The following GNAL variants were observed in gnomAD, a reference collection of about 807,000 sequenced individuals.
GNAL encodes guanine nucleotide-binding protein G(olf) subunit alpha.
Under a neutral mutation model 55.1 loss-of-function variants are expected in GNAL, and 18 were observed. The observed-to-expected ratio is 0.33, with a 90% CI of 0.23 to 0.48. The LOEUF is 0.48. Ranked by LOEUF, GNAL falls within the 20% of genes least tolerant of loss-of-function variation. The probability of loss-of-function intolerance (pLI) is 0.99; values close to 1 mark genes in which losing one functional copy is unlikely to be tolerated. For missense variants in GNAL, 412 were observed against 614.1 expected (o/e 0.67, Z 3.48); for synonymous variants, 253 against 237.0 (o/e 1.07, Z -0.62).
chr18:11,796,349 G>A (rs909940004), intron 4 of GNAL, among the ~76,000 whole-genome samples: 1 of 151,462 alleles, frequency 6.6e-6, no homozygotes, highest in Non-Finnish European at 1.5e-5. Flanking sequence ...AGGCTGAGGC[G>A]GGCGGATCAC....
At chr18:11,852,158 A>ATATT in intron 5 of GNAL, 1 of 1,514,448 alleles carries the variant, frequency 6.6e-7, no homozygotes, top group Non-Finnish European at 8.9e-7. Flanking sequence ...ACCCTTTGAA[A>ATATT]TGCTCTCTGT....
intron 5 of GNAL, among the ~76,000 whole-genome samples, chr18:11,837,017 A>G (rs1009926662): frequency 1.3e-5 from 2 of 152,190 alleles, no homozygotes; most frequent in African/African-American, 2.4e-5. Context: ...GCAGTGGCAC[A>G]GTTTTGGCTC....
Position 11,868,725 on chromosome 18 carries a change from C to A in GNAL, c.1031+62C>A. ...TGCAAATTTTCTTTTGTTAAAAATA[C>A]GCTCAGGCCAGGCGTTGTGGCTCAC... On this transcript the variant is annotated intron_variant, in intron 9 of 11. Transcript: ENST00000334049. This position sits in a 1 kb window ranked among gnomAD's most constrained non-coding sequence, Gnocchi z 4.0. 1 of 1,448,654 alleles carries A rather than the reference C, an allele frequency of 6.9e-7. No homozygotes were observed. Among genetic ancestry groups the A allele is most frequent in the South Asian group, 1.2e-5 (1 of 80,338 alleles). 89.7% of individuals were successfully genotyped at this position (1,448,654 alleles called of 1,614,324 possible).
intron 4 of GNAL, among the ~76,000 whole-genome samples, chr18:11,794,921 C>A (rs1156434444): frequency 6.6e-6 from 1 of 152,190 alleles, no homozygotes; most frequent in African/African-American, 2.4e-5. Flanking sequence ...TAGCTCACTG[C>A]AACCTCTGCC....
At chr18:11,879,342 C>T (rs1232217873) in intron 11 of GNAL, among the ~76,000 whole-genome samples, 1 of 151,936 alleles carries the variant, frequency 6.6e-6, no homozygotes, top group Non-Finnish European at 1.5e-5. Flanking sequence ...CCCAGGGATT[C>T]TCGTGGCACC....
intron 1 of GNAL, among the ~76,000 whole-genome samples, chr18:11,737,458 C>G (rs1470954904): frequency 1.3e-5 from 2 of 152,224 alleles, no homozygotes; most frequent in Non-Finnish European, 1.5e-5. Context: ...GAATGTTTCT[C>G]TCTTCCACTC....
Position 11,796,560 on chromosome 18 carries a change from C to T in GNAL, c.625-28358C>T, listed in dbSNP as rs928091171. Among the ~76,000 whole-genome samples the T allele has an allele frequency of 7.2e-5, 9 of 124,418 alleles. No individual in the cohort carries two copies. The South Asian group carries it at 1.3e-3, about 18-fold the overall frequency. The allele number at this position is 124,418 out of a possible 152,430, so 81.6% of individuals were successfully genotyped here. On this transcript the variant is annotated intron_variant, in intron 4 of 11. Transcript: ENST00000334049. ...CTGCACTCCAGCCTGGGTGACAGAGCGAGACTCCTTCTCACAAAAAAAAAA... is the reference window on the plus strand; with the variant it reads ...CTGCACTCCAGCCTGGGTGACAGAGTGAGACTCCTTCTCACAAAAAAAAAA...
rs2035922775 is a variant in GNAL, at chr18:11,853,218, A to G, written c.723-9177A>G. The stretch of plus-strand genomic sequence containing the variant: ...CTGGAATGTTTTACTTAGCCATGCA[A>G]GTCATTTATGTATACATCCAGCCAG... On this transcript the variant is annotated intron_variant, in intron 5 of 11. Coordinates refer to ENST00000334049, the MANE Select transcript of GNAL (RefSeq NM_182978.4). The G allele has an allele frequency of 1.8e-5, 3 of 167,146 alleles. No individual in the cohort carries two copies. The South Asian group carries it at 6.2e-4, about 35-fold the overall frequency. The allele number at this position is 167,146 out of a possible 1,614,324, so 10.4% of individuals were successfully genotyped here.
chr18:11,850,658 G>C (rs139737214), intron 5 of GNAL, among the ~76,000 whole-genome samples: 2 of 152,320 alleles, frequency 1.3e-5, no homozygotes, highest in Non-Finnish European at 2.9e-5. Context: ...AAATGTGAGT[G>C]AAGTTCCTTG....
chr18:11,785,944 T>A (rs2034043589), intron 4 of GNAL, among the ~76,000 whole-genome samples: 1 of 152,142 alleles, frequency 6.6e-6, no homozygotes, highest in Admixed American at 6.5e-5. Flanking sequence ...ATTATTAAAG[T>A]GAAAGAAAAT....
At chr18:11,862,167 G>A (rs991769163) in intron 5 of GNAL, among the ~76,000 whole-genome samples, 16 of 151,738 alleles carry the variant, frequency 1.1e-4, no homozygotes, top group Non-Finnish European at 1.8e-4. Flanking sequence ...GGGAGAGAAG[G>A]CAACATTAAA....
At chr18:11,851,052 T>C (rs2035845922) in intron 5 of GNAL, among the ~76,000 whole-genome samples, 1 of 152,254 alleles carries the variant, frequency 6.6e-6, no homozygotes. Flanking sequence ...TTTAGCCCGC[T>C]AGCCAGTCAC....
intron 5 of GNAL, among the ~76,000 whole-genome samples, chr18:11,861,602 A>G (rs2036139580): frequency 6.6e-6 from 1 of 152,190 alleles, no homozygotes; most frequent in South Asian, 2.1e-4. Flanking sequence ...GCCTTGGTAA[A>G]GCCAGGCTGG....
intron 4 of GNAL, among the ~76,000 whole-genome samples, chr18:11,782,500 T>C (rs1171730762): frequency 6.6e-6 from 1 of 152,114 alleles, no homozygotes; most frequent in East Asian, 1.9e-4. Context: ...ATGCATGTAT[T>C]TGTGATAAAA....
In GNAL at chr18:11,796,100, A is replaced by G. The variant is rs535874299; in HGVS notation, c.625-28818A>G. Among the ~76,000 whole-genome samples the G allele has an allele frequency of 1.2e-4, 18 of 152,316 alleles. No homozygotes were observed. The East Asian group carries it at 3.5e-3, about 29-fold the overall frequency. On this transcript the variant is annotated intron_variant, in intron 4 of 11. Coordinates refer to ENST00000334049, the MANE Select transcript of GNAL (RefSeq NM_182978.4). ...GAAAGTAACCATCCCTCCTTAACCC[A>G]TTCATTAACTTTATATACACAAACC...
At chr18:11,831,767 C>G (rs886837536) in intron 5 of GNAL, among the ~76,000 whole-genome samples, 1 of 152,214 alleles carries the variant, frequency 6.6e-6, no homozygotes, top group African/African-American at 2.4e-5. Flanking sequence ...CTAGCCTTGT[C>G]CCGTCAAACA....
intron 4 of GNAL, among the ~76,000 whole-genome samples, chr18:11,811,093 C>T (rs777915907): frequency 6.6e-6 from 1 of 152,150 alleles, no homozygotes; most frequent in Non-Finnish European, 1.5e-5. Context: ...GCTCCCCTGC[C>T]CCACCATTGA....
At chr18:11,730,584 T>C (rs1042779602) in intron 1 of GNAL, among the ~76,000 whole-genome samples, 3 of 151,590 alleles carry the variant, frequency 2.0e-5, no homozygotes, top group Non-Finnish European at 2.9e-5. Context: ...GCCAACATGG[T>C]GAAACCCCAT....
At chr18:11,701,483 C>T (rs945059031) in intron 1 of GNAL, among the ~76,000 whole-genome samples, 1 of 140,398 alleles carries the variant, frequency 7.1e-6, no homozygotes, top group Non-Finnish European at 1.5e-5. Flanking sequence ...CCCAGCTACT[C>T]GGGAGGCTGA....
Sources: allele counts gnomAD v4.1 joint callset (sites outside exome capture counted in the v4.1 genomes callset), GRCh38; gene constraint gnomAD v4.1.1; non-coding constraint Gnocchi (gnomAD v3.1); transcripts MANE v1.5; gene names NCBI Gene and HGNC (gene_info 2026-07-23, HGNC 2026-07-21).